The following PAPPA variants were observed in gnomAD, a reference collection of about 807,000 sequenced individuals.
PAPPA encodes pappalysin 1, also known as pappalysin-1.
In PAPPA, 60 loss-of-function variants were observed where a neutral mutation model predicts 164.0. The ratio of observed to expected loss-of-function variants is 0.37; its 90% confidence interval spans 0.30 to 0.45. The LOEUF (loss-of-function observed/expected upper bound fraction) is 0.45. Ranked by LOEUF, PAPPA falls within the 20% of genes least tolerant of loss-of-function variation. The probability of loss-of-function intolerance (pLI) is 1.00; values close to 1 mark genes in which losing one functional copy is unlikely to be tolerated. For missense variants in PAPPA, 1,782 were observed against 2,087.3 expected (o/e 0.85, Z 2.85); for synonymous variants, 875 against 814.1 (o/e 1.07, Z -1.27).
intron 6 of PAPPA, among the ~76,000 whole-genome samples, chr9:116,230,239 A>C (rs563947417): frequency 5.3e-5 from 8 of 152,260 alleles, no homozygotes; most frequent in Admixed American, 1.3e-4. Flanking sequence ...AGACCCTTTT[A>C]ATATCCTTGA....
chr9:116,189,771 C>T (rs552768084), intron 2 of PAPPA, among the ~76,000 whole-genome samples: 5 of 152,304 alleles, frequency 3.3e-5, no homozygotes, highest in South Asian at 4.1e-4. Flanking sequence ...GCACATTTGC[C>T]GACCTCTGCA....
In PAPPA at chr9:116,281,558, G is replaced by T. The variant is rs537290926; in HGVS notation, c.2953+10142G>T. Reference sequence around the variant, plus strand: ...AACCCAAACAGATGACCTTCCAAACGGTTTAGGCAGCATCCAGGATCCTCC... The same window carrying T: ...AACCCAAACAGATGACCTTCCAAACTGTTTAGGCAGCATCCAGGATCCTCC... On this transcript the variant is annotated intron_variant, in intron 9 of 21. Transcript: ENST00000328252. 4.8e-4 allele frequency among the ~76,000 whole-genome samples: 73 copies of T among 152,146 alleles called. 2 individuals are homozygous for T. The South Asian group carries it at 0.014, about 30-fold the overall frequency.
intron 10 of PAPPA, among the ~76,000 whole-genome samples, chr9:116,317,053 C>A (rs1845795750): frequency 1.3e-5 from 2 of 152,072 alleles, no homozygotes. Context: ...TCAACACAAT[C>A]TGGAACACAC....
At position 116,381,671 on chromosome 9, in the gene PAPPA, T is replaced by C. The variant is rs545725235; in HGVS notation, c.4678-724T>C. Reference sequence around the variant, plus strand: ...CCAAGAGAGATGAAGTAAAAAACCATAGAGCCAACTTAGATTTAAATCACT... The same window carrying C: ...CCAAGAGAGATGAAGTAAAAAACCACAGAGCCAACTTAGATTTAAATCACT... On this transcript the variant is annotated intron_variant, in intron 20 of 21. Coordinates refer to ENST00000328252, the MANE Select transcript of PAPPA (RefSeq NM_002581.5). Among the ~76,000 whole-genome samples, 4 of 152,326 alleles carry C rather than the reference T, an allele frequency of 2.6e-5. No homozygotes were observed. In the South Asian group the frequency reaches 6.2e-4, roughly 24 times the overall value.
intron 19 of PAPPA, among the ~76,000 whole-genome samples, chr9:116,369,868 C>T (rs1053693502): frequency 1.3e-5 from 2 of 151,870 alleles, no homozygotes; most frequent in Non-Finnish European, 2.9e-5. Context: ...TTCAGACCTC[C>T]ACTGGTCTCT....
chr9:116,289,676 C>T (rs1309036337), intron 9 of PAPPA, among the ~76,000 whole-genome samples: 2 of 152,158 alleles, frequency 1.3e-5, no homozygotes, highest in Admixed American at 6.5e-5. Flanking sequence ...TCTAGAGAAC[C>T]TTGCAGTGTT....
At chr9:116,233,340 CTG>C (rs1027184970) in intron 6 of PAPPA, among the ~76,000 whole-genome samples, 1 of 152,182 alleles carries the variant, frequency 6.6e-6, no homozygotes, top group African/African-American at 2.4e-5. Context: ...ATGAAGTTGA[CTG>C]AATGAATAAG....
At chr9:116,331,964 C>G (rs1399156138) in intron 11 of PAPPA, among the ~76,000 whole-genome samples, 3 of 152,082 alleles carry the variant, frequency 2.0e-5, no homozygotes, top group Admixed American at 6.6e-5. Flanking sequence ...GGGACCTTTG[C>G]TACACACTTT....
At chr9:116,312,324 G>A (rs1845730825) in intron 10 of PAPPA, among the ~76,000 whole-genome samples, 1 of 126,844 alleles carries the variant, frequency 7.9e-6, no homozygotes, top group Non-Finnish European at 1.6e-5. Context: ...TTTGTTTTAA[G>A]TGGGGTCACC....
At chr9:116,203,903 A>T (rs1372951370) in intron 2 of PAPPA, among the ~76,000 whole-genome samples, 1 of 152,216 alleles carries the variant, frequency 6.6e-6, no homozygotes, top group Admixed American at 6.5e-5. Flanking sequence ...ATAACTGGGG[A>T]AAACTAGAGG....
intron 13 of PAPPA, 74 bp downstream of exon 13, chr9:116,335,148 A>G: frequency 7.9e-7 from 1 of 1,263,542 alleles, no homozygotes; most frequent in African/African-American, 1.5e-5. Context: ...GAAGCTGGGT[A>G]GCCATTTGTG....
At chr9:116,333,821 T>A (rs746903410) in intron 12 of PAPPA, among the ~76,000 whole-genome samples, 1 of 152,070 alleles carries the variant, frequency 6.6e-6, no homozygotes, top group Non-Finnish European at 1.5e-5. Context: ...GCTCTTTGGA[T>A]CCTGGTACTG....
At position 116,332,225 on chromosome 9, in the gene PAPPA, G is replaced by T. The variant is rs532128609; in HGVS notation, c.3262-108G>T. ...CATCTTGGACCCCTGATGAGTAGTA[G>T]CCCAGTTCTTAAAAAGGAAGTTTCT... On this transcript the variant is annotated intron_variant, in intron 11 of 21. Transcript: ENST00000328252. 54 of 871,052 alleles carry T rather than the reference G, an allele frequency of 6.2e-5. No homozygotes were observed. In the African/African-American group the frequency reaches 6.7e-4, roughly 11 times the overall value. The allele number at this position is 871,052 out of a possible 1,614,324, so 54.0% of individuals were successfully genotyped here. A position where few individuals can be genotyped will look rare whatever the true frequency, so the allele number is the denominator to read the frequency against.
intron 13 of PAPPA, among the ~76,000 whole-genome samples, chr9:116,339,303 C>T (rs1031552087): frequency 6.6e-6 from 1 of 152,130 alleles, no homozygotes; most frequent in Admixed American, 6.5e-5. Flanking sequence ...TACTAGGCAA[C>T]CTTGGACTAG....
At chr9:116,289,354 T>A (rs577013798) in intron 9 of PAPPA, among the ~76,000 whole-genome samples, 17 of 130,184 alleles carry the variant, frequency 1.3e-4, no homozygotes, top group Middle Eastern at 4.2e-3. Flanking sequence ...ATGGCATATA[T>A]ATGGCATATA....
intron 1 of PAPPA, among the ~76,000 whole-genome samples, chr9:116,174,668 GATTA>G (rs1282994342): frequency 2.0e-5 from 3 of 151,904 alleles, no homozygotes; most frequent in East Asian, 3.9e-4. Context: ...TACAAAAATG[GATTA>G]ATTCTTTCTT....
At chr9:116,336,779 T>G (rs1249710003) in intron 13 of PAPPA, among the ~76,000 whole-genome samples, 1 of 152,194 alleles carries the variant, frequency 6.6e-6, no homozygotes, top group Non-Finnish European at 1.5e-5. Flanking sequence ...GTCATTCCCC[T>G]TCTCTGGGCC....
rs961267822 is a variant in PAPPA, at chr9:116,235,176, C to A, written c.2271C>A (p.Val757=). 1.2e-6 allele frequency: 2 copies of A among 1,614,026 alleles called. No individual in the cohort carries two copies. The highest frequency in any genetic ancestry group is 2.7e-5 in the African/African-American group (2 of 74,930). The stretch of plus-strand genomic sequence containing the variant: ...TTGAACAGCCCTGTAAGTCCAGTGT[C>A]CGCACCTGGAGCCCAAATTCAGCTG... ...PDVEQPCKSS[V]RTWSPNSAVN... Residue 757 remains valine, a synonymous_variant, in exon 7 of 22, where the codon GTC becomes GTA. Coordinates refer to ENST00000328252, the MANE Select transcript of PAPPA (RefSeq NM_002581.5).
chr9:116,272,385 C>G lies in PAPPA; in HGVS notation c.2953+969C>G, dbSNP rs576526062. On this transcript the variant is annotated intron_variant, in intron 9 of 21. Transcript: ENST00000328252. The stretch of plus-strand genomic sequence containing the variant: ...TGAAAACCTTCGTGGGAAGATTTCT[C>G]ACTGACAGGCAATTTTCTAGGACTA... Among the ~76,000 whole-genome samples, 591 of 152,296 alleles carry G rather than the reference C, an allele frequency of 3.9e-3. 3 individuals carry two copies. The highest frequency in any genetic ancestry group is 6.8e-3 in the Middle Eastern group (2 of 294).
Sources: allele counts gnomAD v4.1 joint callset (sites outside exome capture counted in the v4.1 genomes callset), GRCh38; gene constraint gnomAD v4.1.1; transcripts MANE v1.5; gene names NCBI Gene and HGNC (gene_info 2026-07-23, HGNC 2026-07-21).